GMDS: variants seen among roughly 807,000 people sequenced by gnomAD.
GMDS encodes the protein GDP-mannose 4,6 dehydratase.
In GMDS, 20 loss-of-function variants were observed where a neutral mutation model predicts 49.9. That is an observed-to-expected ratio of 0.40 (90% CI 0.28 to 0.58). GMDS has a LOEUF of 0.58. Among genes scored for constraint, GMDS ranks in the 20% least tolerant of loss-of-function variants. GMDS has a pLI of 0.42. For missense variants in GMDS, 362 were observed against 481.4 expected, an observed-to-expected ratio of 0.75 and a Z score of 2.32; for synonymous variants, 177 against 178.6, an observed-to-expected ratio of 0.99 and a Z score of 0.07.
intron 1 of GMDS, among the ~76,000 whole-genome samples, chr6:2,138,556 A>C (rs1162571116): frequency 6.6e-6 from 1 of 152,120 alleles, no homozygotes; most frequent in Non-Finnish European, 1.5e-5. Flanking sequence ...TGTGATCCTC[A>C]ATGTTGAAGG....
At chr6:1,754,359 C>T (rs1054621329) in intron 7 of GMDS, among the ~76,000 whole-genome samples, 5 of 152,156 alleles carry the variant, frequency 3.3e-5, no homozygotes, top group Admixed American at 6.5e-5. Flanking sequence ...CCTGAATAGA[C>T]CAATAACAAG....
intron 9 of GMDS, among the ~76,000 whole-genome samples, chr6:1,700,669 A>G (rs1370612155): frequency 1.3e-5 from 2 of 152,208 alleles, no homozygotes; most frequent in East Asian, 3.9e-4. Context: ...ACGTGGGACA[A>G]CAGCATCTGA....
At chr6:1,952,453 G>C (rs183484796) in intron 6 of GMDS, among the ~76,000 whole-genome samples, 39 of 152,210 alleles carry the variant, frequency 2.6e-4, no homozygotes, top group Non-Finnish European at 5.0e-4. Context: ...ATTTTTCACA[G>C]TAAGGATGAT....
At chr6:2,245,060 C>A (rs2127605378) in intron 1 of GMDS, among the ~76,000 whole-genome samples, 1 of 152,348 alleles carries the variant, frequency 6.6e-6, no homozygotes, top group South Asian at 2.1e-4. Context: ...CGGTCCTGCC[C>A]GGGTGTGAGC....
chr6:1,866,983 A>G (rs1046424270), intron 7 of GMDS, among the ~76,000 whole-genome samples: 2 of 152,248 alleles, frequency 1.3e-5, no homozygotes, highest in East Asian at 1.9e-4. Flanking sequence ...AACAATTTTT[A>G]AAAAGTTAAA....
At chr6:2,178,470 C>G (rs1439908753) in intron 1 of GMDS, among the ~76,000 whole-genome samples, 1 of 146,742 alleles carries the variant, frequency 6.8e-6, no homozygotes, top group Non-Finnish European at 1.5e-5. Flanking sequence ...AAGAGAACAC[C>G]ACCGGTAGGT....
chr6:1,968,327 G>A (rs545733090), intron 4 of GMDS, among the ~76,000 whole-genome samples: 2 of 152,170 alleles, frequency 1.3e-5, no homozygotes, highest in Admixed American at 1.3e-4. Context: ...GGTAACTACA[G>A]TGCTCACAAT....
intron 7 of GMDS, among the ~76,000 whole-genome samples, chr6:1,928,366 GAA>G (rs79258986): frequency 1.2e-4 from 15 of 129,086 alleles, no homozygotes; most frequent in African/African-American, 3.3e-4. Flanking sequence ...TCTGCCTTAA[GAA>G]AAAAAAAAAA....
At chr6:1,891,955 T>C (rs1487838939) in intron 7 of GMDS, among the ~76,000 whole-genome samples, 1 of 152,186 alleles carries the variant, frequency 6.6e-6, no homozygotes, top group East Asian at 1.9e-4. Flanking sequence ...AAACATTCAG[T>C]AGTTACGCCA....
intron 7 of GMDS, among the ~76,000 whole-genome samples, chr6:1,818,059 G>A (rs1249961315): frequency 6.6e-6 from 1 of 152,086 alleles, no homozygotes; most frequent in African/African-American, 2.4e-5. Flanking sequence ...GAAAACTATA[G>A]AAAGTACAGA....
chr6:2,013,927 T>TATATATATATATATATATATAC (rs1767725669), intron 4 of GMDS, among the ~76,000 whole-genome samples: 3 of 6,108 alleles, frequency 4.9e-4, no homozygotes, highest in African/African-American at 7.1e-4. Flanking sequence ...ATAAAAACCA[T>TATATATATATATATATATATAC]ATATATATAT....
At chr6:1,955,342 A>C (rs769025344) in intron 6 of GMDS, among the ~76,000 whole-genome samples, 1 of 152,200 alleles carries the variant, frequency 6.6e-6, no homozygotes, top group Non-Finnish European at 1.5e-5. Context: ...TTTTTATTTT[A>C]AAAAACTGAG....
At chr6:1,771,588 C>T (rs1428364541) in intron 7 of GMDS, among the ~76,000 whole-genome samples, 1 of 152,234 alleles carries the variant, frequency 6.6e-6, no homozygotes. Context: ...ATGCATCCTA[C>T]AGCTACACAG....
In GMDS at chr6:1,702,822, C is replaced by A. The variant is rs546358142; in HGVS notation, c.987+23594G>T. Reference sequence around the variant, plus strand: ...ACTGCCCATCTGGTGACCCTAACCTCAATCTGGGGAAATCGCTTCTCTGTG... The same window carrying A: ...ACTGCCCATCTGGTGACCCTAACCTAAATCTGGGGAAATCGCTTCTCTGTG... On this transcript the variant is annotated intron_variant, in intron 9 of 10. Coordinates refer to ENST00000380815, the MANE Select transcript of GMDS (RefSeq NM_001500.4). Among the ~76,000 whole-genome samples the A allele has an allele frequency of 7.2e-5, 11 of 152,356 alleles. No individual in the cohort carries two copies. In the East Asian group the frequency reaches 2.1e-3, roughly 29 times the overall value.
intron 1 of GMDS, among the ~76,000 whole-genome samples, chr6:2,216,259 A>G (rs1780328752): frequency 6.6e-6 from 1 of 152,264 alleles, no homozygotes; most frequent in South Asian, 2.1e-4. Context: ...ATTTCTAGTT[A>G]CACAGCATTT....
chr6:2,028,589 T>C (rs140363075), intron 4 of GMDS, among the ~76,000 whole-genome samples: 37 of 152,306 alleles, frequency 2.4e-4, no homozygotes, highest in African/African-American at 8.4e-4. Flanking sequence ...TCTTCAGTCT[T>C]GTAACGAAAG....
chr6:2,193,591 AT>A (rs1035072806), intron 1 of GMDS, among the ~76,000 whole-genome samples: 95 of 152,236 alleles, frequency 6.2e-4, no homozygotes, highest in African/African-American at 2.2e-3. Flanking sequence ...GGGTATATGG[AT>A]TTTTTTAAAT....
At chr6:2,170,184 C>G (rs1236207302) in intron 1 of GMDS, among the ~76,000 whole-genome samples, 1 of 143,428 alleles carries the variant, frequency 7.0e-6, no homozygotes, top group African/African-American at 2.7e-5. Flanking sequence ...GCCTGGGCAA[C>G]AACAACGAAA....
rs187803724 is a variant in GMDS at position 1,709,635 on chromosome 6, C to T, written c.987+16781G>A. ...GATGGAAGGAGAAGTGGACAAGTAA[C>T]GTGGGTGGGCCTTGGCTCCTCTGTT... On this transcript the variant is annotated intron_variant, in intron 9 of 10. Transcript: ENST00000380815. Among the ~76,000 whole-genome samples, 6 of 152,308 alleles carry T rather than the reference C, an allele frequency of 3.9e-5. No individual in the cohort carries two copies. The Middle Eastern group carries it at 0.01, about 259-fold the overall frequency.
Sources: gnomAD v4.1 joint callset for allele counts (sites outside exome capture counted in the v4.1 genomes callset) on GRCh38, gnomAD v4.1.1 for gene constraint, MANE v1.5 for transcripts, NCBI Gene and HGNC (gene_info 2026-07-23, HGNC 2026-07-21) for gene names.